Variants in SORL1 observed in about 807,000 individuals in gnomAD.
SORL1 encodes sortilin-related receptor.
In SORL1, 127 loss-of-function variants were observed where a neutral mutation model predicts 273.7. That is an observed-to-expected ratio of 0.46 (90% CI 0.40 to 0.54). The LOEUF is 0.54. Ranked by LOEUF, SORL1 falls within the 20% of genes least tolerant of loss-of-function variation. The probability of loss-of-function intolerance (pLI) is 0.00; values close to 1 mark genes in which losing one functional copy is unlikely to be tolerated. For missense variants in SORL1, 2,494 were observed against 2,846.1 expected (o/e 0.88, Z 2.81); for synonymous variants, 1,031 against 1,067.4 (o/e 0.97, Z 0.66).
chr11:121,533,686 C>G (rs2134873271), intron 12 of SORL1, among the ~76,000 whole-genome samples: 1 of 152,236 alleles, frequency 6.6e-6, no homozygotes, highest in South Asian at 2.1e-4. Flanking sequence ...ACGGGGCCAG[C>G]AGTAAGTGAG....
intron 21 of SORL1, among the ~76,000 whole-genome samples, chr11:121,564,631 C>G (rs1397338308): frequency 6.6e-6 from 1 of 152,098 alleles, no homozygotes; most frequent in African/African-American, 2.4e-5. Context: ...GGCTGGAGTG[C>G]AGTGGCGCCA....
chr11:121,575,783 G>C (rs1862919790), intron 24 of SORL1, among the ~76,000 whole-genome samples: 1 of 152,182 alleles, frequency 6.6e-6, no homozygotes, highest in Non-Finnish European at 1.5e-5. Flanking sequence ...GAAATGTGTA[G>C]CTAGTTTTGC....
At chr11:121,608,224 C>A in intron 38 of SORL1, 48 bp downstream of exon 38, 1 of 1,453,068 alleles carries the variant, frequency 6.9e-7, no homozygotes, top group Non-Finnish European at 9.6e-7. Context: ...TTATACAAAC[C>A]CTTTCAAATG....
intron 35 of SORL1, among the ~76,000 whole-genome samples, 185 bp downstream of exon 35, chr11:121,605,756 C>A (rs924242502): frequency 6.6e-6 from 1 of 152,190 alleles, no homozygotes; most frequent in South Asian, 2.1e-4. Context: ...GCATCAGAGA[C>A]TGTTCTTGTA....
intron 1 of SORL1, among the ~76,000 whole-genome samples, chr11:121,464,967 A>G (rs959527299): frequency 3.3e-5 from 5 of 152,214 alleles, no homozygotes; most frequent in Admixed American, 2.0e-4. Flanking sequence ...CTTGATTAGC[A>G]CTTGAGAAAT....
intron 5 of SORL1, among the ~76,000 whole-genome samples, chr11:121,495,171 C>A (rs1591299730): frequency 6.6e-6 from 1 of 152,340 alleles, no homozygotes; most frequent in East Asian, 1.9e-4. Context: ...CAGCCTCAAA[C>A]TTCCAGGCTT....
chr11:121,520,536 A>G, intron 8 of SORL1, 121 bp from the exon 9 acceptor site: 1 of 614,552 alleles, frequency 1.6e-6, no homozygotes, highest in South Asian at 2.4e-5. Context: ...ATAGTTGCAC[A>G]ACATTGTGAA....
Position 121,605,258 on chromosome 11 carries a change from A to T in SORL1, c.4778+19A>T. ...ACTACAGGTAGGTCCCATCTTTGTC[A>T]TGGGAGATGAAAATGATGTCTTCAT... On this transcript the variant is annotated intron_variant, in intron 34 of 47. Transcript: ENST00000260197. 6.2e-7 allele frequency: 1 copy of T among 1,603,302 alleles called. No individual in the cohort carries two copies. Among genetic ancestry groups the T allele is most frequent in the African/African-American group, 1.3e-5 (1 of 74,536 alleles).
Position 121,627,305 on chromosome 11 carries a change from A to C in SORL1, c.6365-250A>C, listed in dbSNP as rs369476360. 1 of 514,282 alleles carries C rather than the reference A, an allele frequency of 1.9e-6. No individual in the cohort carries two copies. The allele number at this position is 514,282 out of a possible 1,614,324, so 31.9% of individuals were successfully genotyped here. ...CCAAGAGATTATCTAAATAACCAAC[A>C]AGGCAGTGATTAGGAGTCTAATGTA... is the stretch of plus-strand genomic sequence containing the variant. On this transcript the variant is annotated intron_variant, in intron 46 of 47. Coordinates refer to ENST00000260197, the MANE Select transcript of SORL1 (RefSeq NM_003105.6). This position sits in a 1 kb window ranked among gnomAD's most constrained non-coding sequence, Gnocchi z 4.9.
intron 3 of SORL1, among the ~76,000 whole-genome samples, chr11:121,486,893 T>A (rs1158684542): frequency 6.6e-6 from 1 of 150,858 alleles, no homozygotes; most frequent in Non-Finnish European, 1.5e-5. Context: ...CCCGGGGAGG[T>A]CAAGGCTGCA....
At chr11:121,524,066 G>A (rs1290401110) in intron 11 of SORL1, among the ~76,000 whole-genome samples, 2 of 152,184 alleles carry the variant, frequency 1.3e-5, no homozygotes, top group Non-Finnish European at 2.9e-5. Context: ...TGTATGTGGT[G>A]AACGCAAATA....
chr11:121,622,002 A>C (rs1394013613), intron 44 of SORL1, among the ~76,000 whole-genome samples, 160 bp from the exon 45 acceptor site: 1 of 152,256 alleles, frequency 6.6e-6, no homozygotes, highest in African/African-American at 2.4e-5. Flanking sequence ...AAGAATATCT[A>C]CCATGTGCTA....
At chr11:121,548,433 A>G (rs1386263585) in intron 14 of SORL1, among the ~76,000 whole-genome samples, 5 of 152,274 alleles carry the variant, frequency 3.3e-5, no homozygotes, top group Non-Finnish European at 5.9e-5. Context: ...TACAGTGACA[A>G]AACTGCTGCC....
intron 12 of SORL1, among the ~76,000 whole-genome samples, chr11:121,539,811 C>T (rs977226679): frequency 5.9e-5 from 9 of 152,040 alleles, no homozygotes; most frequent in African/African-American, 1.5e-4. Context: ...AATGAATGAA[C>T]GAATGGATGA....
intron 23 of SORL1, among the ~76,000 whole-genome samples, chr11:121,573,039 G>T (rs1478522495): frequency 1.3e-5 from 2 of 152,060 alleles, no homozygotes; most frequent in African/African-American, 4.8e-5. Flanking sequence ...CCTTCCCCTC[G>T]CCTTTCCTGG....
Position 121,627,604 on chromosome 11 carries a change from TGTG to T in SORL1, c.6421_6423del (p.Val2141del), listed in dbSNP as rs750804066. ...CTGCCAGATCTACGGATGTTGCTGC[TGTG>T]GTGGTGCCCATCTTATTCCTGATAC... On this transcript the variant is annotated inframe_deletion, in exon 47 of 48. Coordinates refer to ENST00000260197, the MANE Select transcript of SORL1 (RefSeq NM_003105.6). The surrounding 1 kb of genome is among the most constrained non-coding windows in gnomAD (Gnocchi z 4.9). 1 of 1,614,234 alleles carries T rather than the reference TGTG, an allele frequency of 6.2e-7. No individual in the cohort carries two copies. The highest frequency in any genetic ancestry group is 8.5e-7 in the Non-Finnish European group (1 of 1,180,028).
Position 121,620,035 on chromosome 11 carries a change from C to CAGGA in SORL1, c.5889+119_5889+122dup. ...CACAGGCCTGGTTTCTGGCGCTCAG[C>CAGGA]AGGAGGTCTCTCTCCCATTTCAGTC... On this transcript the variant is annotated intron_variant, in intron 43 of 47. Transcript: ENST00000260197. 3.9e-6 allele frequency: 3 copies of CAGGA among 778,870 alleles called. No homozygotes were observed. In the South Asian group the frequency reaches 5.0e-5, roughly 13 times the overall value. The allele number at this position is 778,870 out of a possible 1,614,324, so 48.2% of individuals were successfully genotyped here.
intron 27 of SORL1, 22 bp from the exon 28 acceptor site, chr11:121,587,998 C>T: frequency 1.2e-6 from 2 of 1,611,672 alleles, no homozygotes; most frequent in Non-Finnish European, 1.7e-6. Context: ...ATGGCCTCTT[C>T]CCTTCTCTGG....
rs557598959 is a variant in SORL1 at position 121,608,303 on chromosome 11, A to G, written c.5239+127A>G. 1.2e-5 allele frequency: 9 copies of G among 760,688 alleles called. No homozygotes were observed. In the South Asian group the frequency reaches 1.2e-4, roughly 10 times the overall value. The allele number at this position is 760,688 out of a possible 1,614,324, so 47.1% of individuals were successfully genotyped here. On this transcript the variant is annotated intron_variant, in intron 38 of 47. Transcript: ENST00000260197. ...ACATCACACAACTTTCTTCTCCCCA[A>G]CACACGCACATTTTTGGGTGTCTCT...
Sources: gnomAD v4.1 joint callset for allele counts (sites outside exome capture counted in the v4.1 genomes callset) on GRCh38, gnomAD v4.1.1 for gene constraint, Gnocchi (gnomAD v3.1) non-coding constraint, MANE v1.5 for transcripts, NCBI Gene and HGNC (gene_info 2026-07-23, HGNC 2026-07-21) for gene names.